The following CDH10 variants were observed in gnomAD, a reference collection of about 807,000 sequenced individuals.
The protein encoded by CDH10 is cadherin-10.
CDH10 carries 30 observed loss-of-function variants against 73.1 expected under a neutral mutation model. The observed-to-expected ratio is 0.41, with a 90% CI of 0.31 to 0.56. CDH10 has a LOEUF of 0.56. CDH10 is among the 20% of genes least tolerant of loss of function. The pLI is 0.27. For missense variants in CDH10, 815 were observed against 973.7 expected (o/e 0.84, Z 2.17); for synonymous variants, 345 against 348.2 (o/e 0.99, Z 0.10).
intron 2 of CDH10, among the ~76,000 whole-genome samples, chr5:24,574,854 G>C (rs1745538334): frequency 8.4e-6 from 1 of 118,976 alleles, no homozygotes; most frequent in African/African-American, 2.6e-5. Flanking sequence ...AAAAACCAGA[G>C]AACAAAACTA....
chr5:24,551,439 T>C (rs1744541196), intron 2 of CDH10, among the ~76,000 whole-genome samples: 1 of 152,168 alleles, frequency 6.6e-6, no homozygotes, highest in Admixed American at 6.6e-5. Context: ...TAACAGTTCA[T>C]TTTGTACTAG....
At chr5:24,549,849 A>T (rs1706643422) in intron 2 of CDH10, among the ~76,000 whole-genome samples, 1 of 152,004 alleles carries the variant, frequency 6.6e-6, no homozygotes, top group South Asian at 2.1e-4. Context: ...ACTGCACCCA[A>T]CCTGGAATGA....
At chr5:24,555,775 T>C (rs1480164372) in intron 2 of CDH10, among the ~76,000 whole-genome samples, 1 of 151,872 alleles carries the variant, frequency 6.6e-6, no homozygotes, top group Admixed American at 6.6e-5. Flanking sequence ...TAGCTTTCAA[T>C]CTCTAGAAGT....
chr5:24,525,654 A>G (rs962632070), intron 5 of CDH10, among the ~76,000 whole-genome samples: 16 of 152,066 alleles, frequency 1.1e-4, no homozygotes, highest in African/African-American at 3.9e-4. Context: ...CACACCAGAG[A>G]CTGAGAAACT....
At chr5:24,511,829 C>T (rs770235893) in intron 5 of CDH10, among the ~76,000 whole-genome samples, 3 of 152,056 alleles carry the variant, frequency 2.0e-5, no homozygotes, top group South Asian at 2.1e-4. Context: ...TCATATCTCT[C>T]GCAGGAACAT....
At chr5:24,587,272 T>A (rs936638136) in intron 2 of CDH10, among the ~76,000 whole-genome samples, 4 of 152,196 alleles carry the variant, frequency 2.6e-5, no homozygotes, top group African/African-American at 9.6e-5. Context: ...AGTGAGAATA[T>A]GAATATATGA....
At chr5:24,543,138 A>G (rs890166627) in intron 2 of CDH10, among the ~76,000 whole-genome samples, 9 of 152,176 alleles carry the variant, frequency 5.9e-5, no homozygotes, top group Non-Finnish European at 1.2e-4. Context: ...ATTGGCTAGA[A>G]GAAAAATAAA....
At chr5:24,490,199 T>A (rs1254567300) in intron 11 of CDH10, among the ~76,000 whole-genome samples, 1 of 152,084 alleles carries the variant, frequency 6.6e-6, no homozygotes, top group East Asian at 1.9e-4. Flanking sequence ...TGATTTAAAG[T>A]ATAAATCCCC....
chr5:24,618,995 AG>A (rs1747216914), intron 1 of CDH10, among the ~76,000 whole-genome samples: 1 of 152,226 alleles, frequency 6.6e-6, no homozygotes, highest in African/African-American at 2.4e-5. Flanking sequence ...ATACTAAAGT[AG>A]TCAATCATAA....
At chr5:24,615,997 T>C (rs1434776224) in intron 1 of CDH10, among the ~76,000 whole-genome samples, 1 of 152,184 alleles carries the variant, frequency 6.6e-6, no homozygotes, top group Non-Finnish European at 1.5e-5. Context: ...GTGTTTTAAT[T>C]ACCCCAAATC....
At chr5:24,530,725 G>A (rs1454129342) in intron 5 of CDH10, among the ~76,000 whole-genome samples, 2 of 151,960 alleles carry the variant, frequency 1.3e-5, no homozygotes, top group Non-Finnish European at 2.9e-5. Context: ...AGCCCAAAGA[G>A]TAGAAAATAC....
chr5:24,557,563 T>C (rs964679460), intron 2 of CDH10, among the ~76,000 whole-genome samples: 1 of 151,818 alleles, frequency 6.6e-6, no homozygotes, highest in African/African-American at 2.4e-5. Context: ...CTTAATCTCA[T>C]TTTTTAGCTA....
intron 2 of CDH10, among the ~76,000 whole-genome samples, chr5:24,561,383 G>T (rs1744955245): frequency 6.6e-6 from 1 of 152,016 alleles, no homozygotes; most frequent in African/African-American, 2.4e-5. Flanking sequence ...TGAGAAAATT[G>T]TGAGGATACA....
intron 2 of CDH10, among the ~76,000 whole-genome samples, chr5:24,545,651 T>C (rs1189878141): frequency 6.6e-6 from 1 of 151,846 alleles, no homozygotes; most frequent in African/African-American, 2.4e-5. Flanking sequence ...CTCTACATTT[T>C]TTTTTCTTTT....
At position 24,487,806 on chromosome 5, in the gene CDH10, C is replaced by A. The variant is rs1741895491; in HGVS notation, c.2224G>T (p.Asp742Tyr). ...GAACTCAGAGATTCAGCAATGGAAT[C>A]ATTTCCTTCATAGGCATAGGTTGCA... ...SLATYAYEGN[D>Y]SIAESLSSLE... Residue 742 changes from aspartate (D) to tyrosine (Y), a missense_variant, in exon 12 of 12, where the codon GAT (aspartate) becomes TAT (tyrosine). Transcript: ENST00000264463. The A allele has an allele frequency of 1.2e-6, 2 of 1,613,828 alleles. No homozygotes were observed. Among genetic ancestry groups the A allele is most frequent in the African/African-American group, 1.3e-5 (1 of 74,864 alleles).
At chr5:24,605,542 G>T (rs1461860827) in intron 1 of CDH10, among the ~76,000 whole-genome samples, 1 of 152,202 alleles carries the variant, frequency 6.6e-6, no homozygotes, top group African/African-American at 2.4e-5. Flanking sequence ...TGTCTTCCAC[G>T]AAGTGGGTCG....
Position 24,604,871 on chromosome 5 carries a change from T to TCAA in CDH10, c.-123-11259_-123-11258insTTG, listed in dbSNP as rs1453322652. Among the ~76,000 whole-genome samples, 676 of 115,786 alleles carry TCAA rather than the reference T, an allele frequency of 5.8e-3. 57 individuals are homozygous for TCAA. The highest frequency in any genetic ancestry group is 0.016 in the African/African-American group (361 of 22,108). 76.0% of individuals were successfully genotyped at this position (115,786 alleles called of 152,430 possible). A position where few individuals can be genotyped will look rare whatever the true frequency, so the allele number is the denominator to read the frequency against. ...CTGGGGAACAAGAGCAAGATGTCTC[T>TCAA]AAAAAAAAAAAAAAAAAAAAAAAAC... On this transcript the variant is annotated intron_variant, in intron 1 of 11. Transcript: ENST00000264463.
intron 1 of CDH10, among the ~76,000 whole-genome samples, chr5:24,601,032 G>C (rs1253186604): frequency 6.6e-6 from 1 of 151,740 alleles, no homozygotes; most frequent in African/African-American, 2.4e-5. Flanking sequence ...TTTTACAACT[G>C]CATTTAAGCA....
At chr5:24,579,682 T>A (rs1334772466) in intron 2 of CDH10, among the ~76,000 whole-genome samples, 2 of 152,154 alleles carry the variant, frequency 1.3e-5, no homozygotes, top group African/African-American at 4.8e-5. Flanking sequence ...CTCTTCTCCT[T>A]ACATTTTCTT....
Sources: allele counts gnomAD v4.1 joint callset (sites outside exome capture counted in the v4.1 genomes callset), GRCh38; gene constraint gnomAD v4.1.1; transcripts MANE v1.5; gene names NCBI Gene and HGNC (gene_info 2026-07-23, HGNC 2026-07-21).